PDZRN4: variants seen among roughly 807,000 people sequenced by gnomAD.
PDZRN4 encodes PDZ domain-containing RING finger protein 4.
Under a neutral mutation model 99.0 loss-of-function variants are expected in PDZRN4, and 70 were observed. That is an observed-to-expected ratio of 0.71 (90% CI 0.58 to 0.86). The LOEUF (loss-of-function observed/expected upper bound fraction) is 0.86. Ranked by LOEUF, PDZRN4 falls within the 40% of genes least tolerant of loss-of-function variation. The pLI, the probability that PDZRN4 is intolerant of heterozygous loss-of-function variation, is 0.00. For synonymous variants in PDZRN4, 551 were observed against 501.6 expected (o/e 1.10, Z -1.32); for missense variants, 1,474 against 1,331.2 (o/e 1.11, Z -1.67).
At chr12:41,397,577 G>A (rs1268460279) in intron 3 of PDZRN4, among the ~76,000 whole-genome samples, 3 of 151,582 alleles carry the variant, frequency 2.0e-5, no homozygotes, top group Non-Finnish European at 4.4e-5. Context: ...GGCAAGCTGG[G>A]CAAAAAAATG....
chr12:41,395,563 T>C (rs1315856487), intron 3 of PDZRN4, among the ~76,000 whole-genome samples: 1 of 152,192 alleles, frequency 6.6e-6, no homozygotes, highest in East Asian at 1.9e-4. Flanking sequence ...TTTCATTTTG[T>C]GTTATCTTTG....
At chr12:41,303,990 G>C (rs1176416739) in intron 3 of PDZRN4, among the ~76,000 whole-genome samples, 1 of 152,080 alleles carries the variant, frequency 6.6e-6, no homozygotes, top group Non-Finnish European at 1.5e-5. Context: ...TCATGCTCTA[G>C]GTAAGGAACA....
intron 3 of PDZRN4, among the ~76,000 whole-genome samples, chr12:41,330,151 A>G (rs935569204): frequency 6.6e-6 from 1 of 152,122 alleles, no homozygotes; most frequent in African/African-American, 2.4e-5. Flanking sequence ...TATGCTTCCA[A>G]AATTAGCATA....
chr12:41,541,614 T>C (rs11180987), intron 5 of PDZRN4, among the ~76,000 whole-genome samples: 67,235 of 151,392 alleles, frequency 0.44, 16,192 homozygotes, highest in African/African-American at 0.65. Flanking sequence ...CCACCACGCC[T>C]GGCTAATTTT....
intron 3 of PDZRN4, among the ~76,000 whole-genome samples, chr12:41,364,569 A>G (rs1951984780): frequency 6.6e-6 from 1 of 152,106 alleles, no homozygotes; most frequent in South Asian, 2.1e-4. Context: ...TTTAGAATTG[A>G]TTTTTGAGCA....
Position 41,572,466 on chromosome 12 carries a change from C to T in PDZRN4, c.1687C>T (p.Arg563Ter), listed in dbSNP as rs150680549. 2.7e-5 allele frequency: 44 copies of T among 1,614,040 alleles called. No homozygotes were observed. The highest frequency in any genetic ancestry group is 3.6e-5 in the Non-Finnish European group (42 of 1,179,976). The change falls in exon 10 of 10, where the codon CGA (arginine) becomes TGA (stop). Residue 563 changes from arginine to a stop codon, truncating the protein, a stop_gained. Coordinates refer to ENST00000402685, the MANE Select transcript of PDZRN4 (RefSeq NM_001164595.2). LOFTEE classifies it high-confidence loss of function. ...SGVGRTDESL[R>*]NDESSEQENA... ...AGTAGGACGTACAGATGAAAGCTTGCGAAATGATGAGAGCTCAGAGCAGGA... is the reference window on the plus strand; with the variant it reads ...AGTAGGACGTACAGATGAAAGCTTGTGAAATGATGAGAGCTCAGAGCAGGA...
At chr12:41,535,732 C>A (rs285558) in intron 5 of PDZRN4, among the ~76,000 whole-genome samples, 35,817 of 151,932 alleles carry the variant, frequency 0.24, 5,694 homozygotes, top group African/African-American at 0.45. Flanking sequence ...AAAAATGGTG[C>A]ATTTGGTCCC....
chr12:41,324,284 C>A (rs1951697037), intron 3 of PDZRN4, among the ~76,000 whole-genome samples: 1 of 151,892 alleles, frequency 6.6e-6, no homozygotes, highest in African/African-American at 2.4e-5. Context: ...AATATCTGTG[C>A]AAATTTCTAG....
Position 41,490,836 on chromosome 12 carries a change from A to T in PDZRN4, c.844-15620A>T, listed in dbSNP as rs562611760. 1.1e-4 allele frequency among the ~76,000 whole-genome samples: 17 copies of T among 152,238 alleles called. No homozygotes were observed. The South Asian group carries it at 3.5e-3, about 32-fold the overall frequency. The stretch of plus-strand genomic sequence containing the variant: ...GCAATTCTCCCCACACATTTCAAGA[A>T]ATTCCCATCTTCTAACTACTGGTGC... On this transcript the variant is annotated intron_variant, in intron 3 of 9. Coordinates refer to ENST00000402685, the MANE Select transcript of PDZRN4 (RefSeq NM_001164595.2).
chr12:41,455,646 A>G (rs753195255), intron 3 of PDZRN4, among the ~76,000 whole-genome samples: 60 of 152,220 alleles, frequency 3.9e-4, no homozygotes, highest in Admixed American at 6.5e-4. Context: ...ATTCTGTACC[A>G]TAAATCTTGT....
intron 3 of PDZRN4, among the ~76,000 whole-genome samples, chr12:41,198,167 C>G (rs1286239834): frequency 1.3e-5 from 2 of 152,094 alleles, no homozygotes; most frequent in Non-Finnish European, 2.9e-5. Context: ...ACCTGTCCAC[C>G]TTGACCTCCT....
At chr12:41,503,422 A>T (rs1398142351) in intron 3 of PDZRN4, among the ~76,000 whole-genome samples, 1 of 152,156 alleles carries the variant, frequency 6.6e-6, no homozygotes, top group Non-Finnish European at 1.5e-5. Context: ...GTCATATAAT[A>T]AATAGCCATT....
rs774499135 is a variant in PDZRN4 at position 41,189,134 on chromosome 12, T to C, written c.648+31T>C. On this transcript the variant is annotated intron_variant, in intron 1 of 9. Coordinates refer to ENST00000402685, the MANE Select transcript of PDZRN4 (RefSeq NM_001164595.2). ...CAAAGGGGGGTGGGCACCGCGGGCATGGTCGATTGGGGTGGGAAAAGGAGC... is the reference window on the plus strand; with the variant it reads ...CAAAGGGGGGTGGGCACCGCGGGCACGGTCGATTGGGGTGGGAAAAGGAGC... 9 of 1,560,802 alleles carry C rather than the reference T, an allele frequency of 5.8e-6. No homozygotes were observed. The East Asian group carries it at 1.9e-4, about 32-fold the overall frequency.
chr12:41,304,109 G>T (rs977027090), intron 3 of PDZRN4, among the ~76,000 whole-genome samples: 3 of 152,150 alleles, frequency 2.0e-5, no homozygotes, highest in African/African-American at 4.8e-5. Flanking sequence ...GGAATTTGCT[G>T]GGTAGAGAAA....
intron 3 of PDZRN4, among the ~76,000 whole-genome samples, chr12:41,229,875 G>C (rs1335325194): frequency 6.6e-6 from 1 of 152,022 alleles, no homozygotes; most frequent in Non-Finnish European, 1.5e-5. Flanking sequence ...GCTAAGGGAT[G>C]ATCCAACTGT....
At chr12:41,369,783 A>T (rs996677454) in intron 3 of PDZRN4, among the ~76,000 whole-genome samples, 2 of 151,968 alleles carry the variant, frequency 1.3e-5, no homozygotes, top group South Asian at 2.1e-4. Flanking sequence ...AAAAGGAATT[A>T]TTGTCTGAAC....
At position 41,573,321 on chromosome 12, in the gene PDZRN4, C is replaced by T. The variant is rs377482702; in HGVS notation, c.2542C>T (p.Arg848Trp). 1.4e-5 allele frequency: 22 copies of T among 1,613,170 alleles called. No individual in the cohort carries two copies. The African/African-American group carries it at 2.1e-4, about 16-fold the overall frequency. ...ATATGCAAACATCCCAGCACACGCC[C>T]GGCATTATCAAAGCTACATGCAGTT... Reference protein sequence around the residue: ...YRYANIPAHARHYQSYMQLIQ... With the variant: ...YRYANIPAHAWHYQSYMQLIQ... Residue 848 changes from arginine to tryptophan, a missense_variant, in exon 10 of 10, where the codon CGG (arginine) becomes TGG (tryptophan). Physicochemically the swap from Arg to Trp is moderately radical, Grantham distance 101 (BLOSUM62 -3). Coordinates refer to ENST00000402685, the MANE Select transcript of PDZRN4 (RefSeq NM_001164595.2).
intron 3 of PDZRN4, among the ~76,000 whole-genome samples, chr12:41,498,774 T>C (rs936248786): frequency 6.6e-6 from 1 of 152,176 alleles, no homozygotes; most frequent in Admixed American, 6.6e-5. Context: ...ATTTGTTCTA[T>C]GATCTCAATA....
intron 3 of PDZRN4, among the ~76,000 whole-genome samples, chr12:41,314,257 T>C (rs1951624879): frequency 1.3e-5 from 2 of 152,172 alleles, no homozygotes; most frequent in African/African-American, 4.8e-5. Flanking sequence ...AGAAGTTAAA[T>C]TTGGTTTATC....
Sources: gnomAD v4.1 joint callset for allele counts (sites outside exome capture counted in the v4.1 genomes callset) on GRCh38, gnomAD v4.1.1 for gene constraint, MANE v1.5 for transcripts, NCBI Gene and HGNC (gene_info 2026-07-23, HGNC 2026-07-21) for gene names.